IL31RA: variants seen among roughly 807,000 people sequenced by gnomAD.
IL31RA encodes the protein interleukin 31 receptor A.
Under a neutral mutation model 83.7 loss-of-function variants are expected in IL31RA, and 66 were observed. The ratio of observed to expected loss-of-function variants is 0.79; its 90% confidence interval spans 0.65 to 0.97. The LOEUF (loss-of-function observed/expected upper bound fraction) is 0.97, where lower values mean the gene tolerates loss of function less well. IL31RA is among the 50% of genes least tolerant of loss of function. The pLI is 0.00. For synonymous variants in IL31RA, 325 were observed against 329.0 expected (o/e 0.99, Z 0.13); for missense variants, 798 against 919.4 (o/e 0.87, Z 1.71).
intron 10 of IL31RA, 138 bp downstream of exon 10, chr5:55,907,598 T>C: frequency 1.4e-6 from 1 of 699,590 alleles, no homozygotes. Context: ...GAGCTCTGTA[T>C]GTTATGAATT....
rs539578464 is a variant in IL31RA at position 55,896,324 on chromosome 5, G to A, written c.773-26G>A. 258 of 1,528,972 alleles carry A rather than the reference G, an allele frequency of 1.7e-4. 2 individuals are homozygous for A. The South Asian group carries it at 2.7e-3, about 16-fold the overall frequency. 94.7% of individuals were successfully genotyped at this position (1,528,972 alleles called of 1,614,324 possible). ...TCTGCAACTCCCTTATCTCTGGGTT[G>A]AGTACCTCATTCTTGTTCCTTACAG... On this transcript the variant is annotated intron_variant, in intron 6 of 14. Coordinates refer to ENST00000652347, the MANE Select transcript of IL31RA (RefSeq NM_139017.7).
At position 55,896,985 on chromosome 5, in the gene IL31RA, T is replaced by TAAA. The variant is rs1317185291; in HGVS notation, c.852+570_852+572dup. ...AAGTGTGCCAGTACACCCAGCTAAT[T>TAAA]AAAAAAAAAAAAAAAATATATATAT... On this transcript the variant is annotated intron_variant, in intron 7 of 14. Transcript: ENST00000652347. Among the ~76,000 whole-genome samples the TAAA allele has an allele frequency of 7.0e-3, 8 of 1,140 alleles. 1 individual carries two copies. Among genetic ancestry groups the TAAA allele is most frequent in the Middle Eastern group, 0.25 (1 of 4 alleles). The allele number at this position is 1,140 out of a possible 152,430, so 0.7% of individuals were successfully genotyped here. A position where few individuals can be genotyped will look rare whatever the true frequency, so the allele number is the denominator to read the frequency against.
intron 1 of IL31RA, among the ~76,000 whole-genome samples, chr5:55,857,083 T>C (rs1363271865): frequency 6.8e-6 from 1 of 146,044 alleles, no homozygotes; most frequent in African/African-American, 2.5e-5. Flanking sequence ...CTGGGAGGCA[T>C]CTCACCTTTT....
intron 11 of IL31RA, chr5:55,909,236 TG>T (rs1385397239): frequency 2.0e-5 from 3 of 152,936 alleles, no homozygotes; most frequent in Non-Finnish European, 4.4e-5. Context: ...TTTTTATGGC[TG>T]AATAATATTC....
chr5:55,899,914 A>G lies in IL31RA; in HGVS notation c.853-2A>G. 6.2e-7 allele frequency: 1 copy of G among 1,613,308 alleles called. No individual in the cohort carries two copies. Among genetic ancestry groups the G allele is most frequent in the Non-Finnish European group, 8.5e-7 (1 of 1,179,270 alleles). ...AATAAATTTTGTTTTCTTTGGGTTC[A>G]GAAGGCAAGAGGAGCCCCAGTCCTA... is the stretch of plus-strand genomic sequence containing the variant. On this transcript the variant is annotated splice_acceptor_variant, in intron 7 of 14. Coordinates refer to ENST00000652347, the MANE Select transcript of IL31RA (RefSeq NM_139017.7). LOFTEE classifies it high-confidence loss of function.
intron 5 of IL31RA, among the ~76,000 whole-genome samples, chr5:55,887,603 A>G (rs1203966775): frequency 6.6e-6 from 1 of 151,006 alleles, no homozygotes; most frequent in Non-Finnish European, 1.5e-5. Flanking sequence ...TTAGCCGGGA[A>G]TGGCCGGGCA....
chr5:55,876,124 T>C (rs189876786), intron 4 of IL31RA, among the ~76,000 whole-genome samples: 2 of 152,242 alleles, frequency 1.3e-5, no homozygotes, highest in African/African-American at 4.8e-5. Context: ...TAAAAATATT[T>C]TGGGCTGGCG....
chr5:55,890,792 T>A (rs1747940190), intron 6 of IL31RA, among the ~76,000 whole-genome samples: 1 of 152,236 alleles, frequency 6.6e-6, no homozygotes, highest in South Asian at 2.1e-4. Context: ...ACATTTTTAA[T>A]GACAGTGAGG....
At chr5:55,878,402 T>C (rs1746988473) in intron 4 of IL31RA, among the ~76,000 whole-genome samples, 1 of 152,188 alleles carries the variant, frequency 6.6e-6, no homozygotes, top group African/African-American at 2.4e-5. Context: ...TGTTTTCCTG[T>C]TTCTTTGTAT....
In IL31RA at chr5:55,903,866, G is replaced by T. The variant is rs945679273; in HGVS notation, c.1070-2240G>T. On this transcript the variant is annotated intron_variant, in intron 8 of 14. Coordinates refer to ENST00000652347, the MANE Select transcript of IL31RA (RefSeq NM_139017.7). The surrounding 1 kb of genome is among the most constrained non-coding windows in gnomAD (Gnocchi z 4.7). ...GGGCTTCAAACAACAGAACTTTATT[G>T]TCTCATGGTCCTGGAGGCCAGAAGT... Among the ~76,000 whole-genome samples, 1 of 152,206 alleles carries T rather than the reference G, an allele frequency of 6.6e-6. No individual in the cohort carries two copies. The highest frequency in any genetic ancestry group is 1.5e-5 in the Non-Finnish European group (1 of 68,032).
At chr5:55,869,832 G>T (rs1413942986) in intron 3 of IL31RA, among the ~76,000 whole-genome samples, 1 of 152,088 alleles carries the variant, frequency 6.6e-6, no homozygotes, top group Non-Finnish European at 1.5e-5. Context: ...AATGAATAAG[G>T]GGGCCCATGT....
At chr5:55,881,331 G>GA (rs1218215874) in intron 4 of IL31RA, among the ~76,000 whole-genome samples, 104 of 150,908 alleles carry the variant, frequency 6.9e-4, no homozygotes, top group African/African-American at 2.2e-3. Flanking sequence ...TAAAGAAAAA[G>GA]AAAAAAAAGC....
intron 5 of IL31RA, among the ~76,000 whole-genome samples, chr5:55,888,127 CTT>C (rs1747750808): frequency 6.6e-6 from 1 of 151,952 alleles, no homozygotes; most frequent in African/African-American, 2.4e-5. Context: ...AAGACAAACA[CTT>C]TGGGTGAGTT....
intron 5 of IL31RA, among the ~76,000 whole-genome samples, chr5:55,886,746 C>T (rs959811356): frequency 1.2e-4 from 18 of 152,308 alleles, no homozygotes; most frequent in Non-Finnish European, 1.3e-4. Context: ...TTGCTCTTGC[C>T]TCTCTGGTCA....
rs1750147407 is a variant in IL31RA at position 55,922,654 on chromosome 5, TAATAGGA to T, written c.*5536_*5542del. 1.9e-6 allele frequency: 1 copy of T among 520,034 alleles called. No individual in the cohort carries two copies. Among genetic ancestry groups the T allele is most frequent in the African/African-American group, 1.9e-5 (1 of 52,456 alleles). The allele number at this position is 520,034 out of a possible 1,614,324, so 32.2% of individuals were successfully genotyped here. On this transcript the variant is annotated 3_prime_UTR_variant, in exon 15 of 15. Transcript: ENST00000652347. ...GTAGAGTGTGAAAACATGGTTATGG[TAATAGGA>T]ACAGCTTTTAAAATGCTTTTGTATT... is the stretch of plus-strand genomic sequence containing the variant.
chr5:55,847,250 A>G (rs1744954603), upstream of IL31RA, among the ~76,000 whole-genome samples: 2 of 89,186 alleles, frequency 2.2e-5, 1 homozygote, highest in Non-Finnish European at 5.6e-5. Context: ...AATAAAAATA[A>G]ATAAATAAAT....
chr5:55,851,465 A>G lies in IL31RA; in HGVS notation c.-106A>G. The stretch of plus-strand genomic sequence containing the variant: ...AAGGCAAAAAATTGCAAAAAAAAAT[A>G]GTAATAACCAGCATGGCACTAAATA... On this transcript the variant is annotated 5_prime_UTR_variant, in exon 1 of 15. It adds an upstream start codon to the 5' untranslated region. Transcript: ENST00000652347. The G allele has an allele frequency of 1.2e-6, 2 of 1,605,302 alleles. No homozygotes were observed. The highest frequency in any genetic ancestry group is 1.7e-6 in the Non-Finnish European group (2 of 1,174,436).
At chr5:55,843,812 A>AT in the IL31RA span, among the ~76,000 whole-genome samples, 1 of 152,190 alleles carries the variant, frequency 6.6e-6, no homozygotes, top group Non-Finnish European at 1.5e-5. Flanking sequence ...TAGTGTTAGC[A>AT]TGATATCTCT....
intron 2 of IL31RA, among the ~76,000 whole-genome samples, chr5:55,866,017 T>G (rs1352022642): frequency 6.6e-6 from 1 of 152,212 alleles, no homozygotes; most frequent in African/African-American, 2.4e-5. Context: ...TTGCCTGTGC[T>G]TTGGGCCACA....
Sources: gnomAD v4.1 joint callset for allele counts (sites outside exome capture counted in the v4.1 genomes callset) on GRCh38, gnomAD v4.1.1 for gene constraint, Gnocchi (gnomAD v3.1) non-coding constraint, MANE v1.5 for transcripts, NCBI Gene and HGNC (gene_info 2026-07-23, HGNC 2026-07-21) for gene names.